GRM5: variants seen among roughly 807,000 people sequenced by gnomAD.
The protein encoded by GRM5 is glutamate metabotropic receptor 5.
GRM5 carries 19 observed loss-of-function variants against 83.1 expected under a neutral mutation model. That is an observed-to-expected ratio of 0.23 (90% CI 0.16 to 0.34). GRM5 has a LOEUF of 0.34. Ranked by LOEUF, GRM5 falls within the 10% of genes least tolerant of loss-of-function variation. The pLI, the probability that GRM5 is intolerant of heterozygous loss-of-function variation, is 1.00. For missense variants in GRM5, 1,160 were observed against 1,588.3 expected (o/e 0.73, Z 4.58); for synonymous variants, 675 against 633.6 (o/e 1.07, Z -0.98).
chr11:88,726,838 C>A lies in GRM5; in HGVS notation c.912-73435G>T, dbSNP rs2648637. 9.2e-5 allele frequency among the ~76,000 whole-genome samples: 14 copies of A among 152,252 alleles called. 1 individual carries two copies. The East Asian group carries it at 2.5e-3, about 27-fold the overall frequency. On this transcript the variant is annotated intron_variant, in intron 3 of 9. Transcript: ENST00000305447. The stretch of plus-strand genomic sequence containing the variant: ...AAAATCCTTTACAGACAAGCAAATG[C>A]TGAGAGATGTTGTCATCACCAGGCC...
intron 8 of GRM5, among the ~76,000 whole-genome samples, chr11:88,541,499 CATATAG>C (rs1942266344): frequency 6.6e-6 from 1 of 152,090 alleles, no homozygotes; most frequent in South Asian, 2.1e-4. Flanking sequence ...TATAAACATA[CATATAG>C]ATAGATATAC....
chr11:88,925,568 G>T (rs1945775103), intron 2 of GRM5, among the ~76,000 whole-genome samples: 1 of 152,040 alleles, frequency 6.6e-6, no homozygotes, highest in African/African-American at 2.4e-5. Flanking sequence ...TATTACACGG[G>T]TTTAAACACT....
chr11:88,986,995 G>T (rs898529514), intron 2 of GRM5, among the ~76,000 whole-genome samples: 1 of 151,644 alleles, frequency 6.6e-6, no homozygotes, highest in Non-Finnish European at 1.5e-5. Context: ...TCATCCTATC[G>T]GGGGAAGGAG....
chr11:88,993,316 G>T (rs1272994939), intron 2 of GRM5, among the ~76,000 whole-genome samples: 1 of 150,410 alleles, frequency 6.6e-6, no homozygotes, highest in East Asian at 2.0e-4. Context: ...TTTATATATG[G>T]ATATCCATTT....
At chr11:88,531,257 A>AGGGAACATTT (rs1465126473) in intron 8 of GRM5, among the ~76,000 whole-genome samples, 2 of 152,112 alleles carry the variant, frequency 1.3e-5, no homozygotes, top group Admixed American at 6.6e-5. Flanking sequence ...AAATGTCCTT[A>AGGGAACATTT]GGAGGGAATT....
rs1253805849 is a variant in GRM5, at chr11:88,720,797, TGTGTGTGTGTGTGTGTGTGTGTGC to T, written c.912-67418_912-67395del. Among the ~76,000 whole-genome samples the T allele has an allele frequency of 3.4e-3, 429 of 127,730 alleles. 1 individual carries two copies. Among genetic ancestry groups the T allele is most frequent in the African/African-American group, 0.014 (404 of 29,698 alleles). The allele number at this position is 127,730 out of a possible 152,430, so 83.8% of individuals were successfully genotyped here. On this transcript the variant is annotated intron_variant, in intron 3 of 9. Coordinates refer to ENST00000305447, the MANE Select transcript of GRM5 (RefSeq NM_001143831.3). ...CAGGTTTGCAGGAAAATCATTACTC[TGTGTGTGTGTGTGTGTGTGTGTGC>T]GTGTGTGTGTGTGTGTGTGTGTGCC...
chr11:88,643,310 C>G (rs972404847), intron 4 of GRM5, among the ~76,000 whole-genome samples: 3 of 152,016 alleles, frequency 2.0e-5, no homozygotes, highest in Admixed American at 2.0e-4. Flanking sequence ...TTCACTATTG[C>G]AAGAACAGTC....
Position 88,608,514 on chromosome 11 carries a change from A to ATTTTT in GRM5, c.1148-3555_1148-3551dup, listed in dbSNP as rs35701224. ...AAATATAAGCTCTATGAAAACAGGG[A>ATTTTT]TTTTTTTTTTTTTTTTTTTTTTGAG... On this transcript the variant is annotated intron_variant, in intron 4 of 9. Coordinates refer to ENST00000305447, the MANE Select transcript of GRM5 (RefSeq NM_001143831.3). Among the ~76,000 whole-genome samples, 100 of 98,630 alleles carry ATTTTT rather than the reference A, an allele frequency of 1.0e-3. 1 individual carries two copies. The highest frequency in any genetic ancestry group is 2.6e-3 in the East Asian group (9 of 3,426). The allele number at this position is 98,630 out of a possible 152,430, so 64.7% of individuals were successfully genotyped here. A position where few individuals can be genotyped will look rare whatever the true frequency, so the allele number is the denominator to read the frequency against.
intron 3 of GRM5, among the ~76,000 whole-genome samples, chr11:88,801,335 C>A (rs1030960439): frequency 7.2e-5 from 11 of 152,000 alleles, no homozygotes; most frequent in African/African-American, 2.7e-4. Context: ...TAAGTTGGTG[C>A]AAAAGTAATT....
intron 3 of GRM5, among the ~76,000 whole-genome samples, chr11:88,832,374 G>A (rs1221862921): frequency 1.3e-5 from 2 of 151,804 alleles, no homozygotes; most frequent in Non-Finnish European, 2.9e-5. Context: ...CAATTACAAT[G>A]GCTATTAAAA....
intron 3 of GRM5, among the ~76,000 whole-genome samples, chr11:88,723,592 C>G (rs1156805350): frequency 7.2e-5 from 11 of 151,996 alleles, no homozygotes; most frequent in Admixed American, 7.2e-4. Flanking sequence ...CATTAAGCTA[C>G]ATGAGTTCTA....
intron 2 of GRM5, among the ~76,000 whole-genome samples, chr11:89,028,949 C>T (rs373069579): frequency 2.0e-5 from 3 of 152,074 alleles, no homozygotes; most frequent in Non-Finnish European, 4.4e-5. Flanking sequence ...TCCCCCACCC[C>T]CCTACGTACC....
In GRM5 at chr11:88,783,179, G is replaced by T. The variant is rs1431931915; in HGVS notation, c.911+66727C>A. Reference sequence around the variant, plus strand: ...AGAAAACATTTTCCCATAATCTTAGGGGTTTAACTATCCCCTCTTACAGTA... The same window carrying T: ...AGAAAACATTTTCCCATAATCTTAGTGGTTTAACTATCCCCTCTTACAGTA... On this transcript the variant is annotated intron_variant, in intron 3 of 9. Transcript: ENST00000305447. 2.0e-5 allele frequency among the ~76,000 whole-genome samples: 3 copies of T among 151,992 alleles called. No homozygotes were observed. In the South Asian group the frequency reaches 6.2e-4, roughly 31 times the overall value.
intron 7 of GRM5, among the ~76,000 whole-genome samples, chr11:88,582,446 T>C (rs1943230828): frequency 1.3e-5 from 2 of 152,224 alleles, no homozygotes; most frequent in South Asian, 4.1e-4. Context: ...AGGAATGTGA[T>C]AAAATCTTTT....
chr11:88,604,360 T>C (rs1275215015), intron 5 of GRM5, among the ~76,000 whole-genome samples: 1 of 152,178 alleles, frequency 6.6e-6, no homozygotes, highest in African/African-American at 2.4e-5. Context: ...TATTTCAGAA[T>C]AGTTCTATTA....
intron 3 of GRM5, among the ~76,000 whole-genome samples, chr11:88,796,687 A>T (rs944088872): frequency 2.0e-5 from 3 of 152,146 alleles, no homozygotes; most frequent in African/African-American, 7.2e-5. Context: ...TATATGTCTT[A>T]TAAATAGGCT....
chr11:89,040,369 C>T (rs530736635), intron 2 of GRM5, among the ~76,000 whole-genome samples: 1 of 151,882 alleles, frequency 6.6e-6, no homozygotes, highest in East Asian at 1.9e-4. Context: ...CAAAACAAAA[C>T]AAAAACGCTT....
At chr11:88,520,349 G>A (rs1344694510) in intron 9 of GRM5, among the ~76,000 whole-genome samples, 1 of 152,132 alleles carries the variant, frequency 6.6e-6, no homozygotes, top group Non-Finnish European at 1.5e-5. Context: ...TCTATTGTCT[G>A]TACTGGAAAG....
chr11:88,891,082 G>T (rs1590942858), intron 2 of GRM5, among the ~76,000 whole-genome samples: 1 of 152,056 alleles, frequency 6.6e-6, no homozygotes, highest in East Asian at 1.9e-4. Context: ...GCTGTCTTAA[G>T]CCACTAATCT....
Sources: gnomAD v4.1 joint callset for allele counts (sites outside exome capture counted in the v4.1 genomes callset) on GRCh38, gnomAD v4.1.1 for gene constraint, MANE v1.5 for transcripts, NCBI Gene and HGNC (gene_info 2026-07-23, HGNC 2026-07-21) for gene names.